Variants in MSTO1 observed in about 807,000 individuals in gnomAD.
MSTO1 encodes the protein misato mitochondrial distribution and morphology regulator 1, also known as protein misato homolog 1.
Under a neutral mutation model 55.7 loss-of-function variants are expected in MSTO1, and 24 were observed. The ratio of observed to expected loss-of-function variants is 0.43; its 90% CI spans 0.31 to 0.61. MSTO1 has a LOEUF of 0.61. Ranked by LOEUF, MSTO1 falls within the 20% of genes least tolerant of loss-of-function variation. The probability of loss-of-function intolerance (pLI) is 0.09; values close to 1 mark genes in which losing one functional copy is unlikely to be tolerated. For synonymous variants in MSTO1, 162 were observed against 252.8 expected, an observed-to-expected ratio of 0.64 and a Z score of 3.41; for missense variants, 363 against 625.7, an observed-to-expected ratio of 0.58 and a Z score of 4.48.
At chr1:155,609,243 A>ATATATATATATATATTTTTT (rs59756178), upstream of MSTO1, among the ~76,000 whole-genome samples, 1 of 54,576 alleles carries the variant, frequency 1.8e-5, no homozygotes, top group East Asian at 1.9e-3. Context: ...ATATATATAT[A>ATATATATATATATATTTTTT]TTTTTTTTTT....
At chr1:155,608,005 A>G (rs183739172), upstream of MSTO1, among the ~76,000 whole-genome samples, 51 of 152,354 alleles carry the variant, frequency 3.3e-4, no homozygotes, top group Middle Eastern at 6.8e-3. Flanking sequence ...CTCAAAATAA[A>G]TAAACAAAAC....
At chr1:155,590,694 T>C in the MSTO1 span, 16 of 1,515,778 alleles carry the variant, frequency 1.1e-5, no homozygotes, top group Admixed American at 4.0e-5. Flanking sequence ...TGGGGCCCCG[T>C]GACCCCCCGG....
the MSTO1 span, among the ~76,000 whole-genome samples, chr1:155,575,796 T>TTCTA: frequency 6.2e-5 from 9 of 144,660 alleles, no homozygotes; most frequent in Non-Finnish European, 9.0e-5. Context: ...CTTATTTTAT[T>TTCTA]TTTATTTATT....
Position 155,613,692 on chromosome 1 carries a change from C to G in MSTO1, c.1424C>G (p.Ala475Gly), listed in dbSNP as rs1424214412. The G allele has an allele frequency of 6.2e-7, 1 of 1,607,782 alleles. No individual in the cohort carries two copies. The highest frequency in any genetic ancestry group is 1.1e-5 in the South Asian group (1 of 90,680). Residue 475 changes from alanine (A) to glycine (G), a missense_variant, in exon 13 of 14, where the codon GCT becomes GGT. Ala to Gly is a moderately conservative substitution (Grantham distance 60). Transcript: ENST00000245564. ...SHLLLTPCRV[A>G]PPYPHLFSSC... ...CTGCTGCTGACTCCCTGCAGGGTGGCTCCTCCTTACCCCCACCTCTTCTCA... is the reference window on the plus strand; with the variant it reads ...CTGCTGCTGACTCCCTGCAGGGTGGGTCCTCCTTACCCCCACCTCTTCTCA...
At chr1:155,609,925 G>A (rs1319513220), upstream of MSTO1, 2 of 387,736 alleles carry the variant, frequency 5.2e-6, no homozygotes, top group Non-Finnish European at 9.4e-6. Context: ...AAGACAAGTA[G>A]GAAGCAGAGC....
the MSTO1 span, among the ~76,000 whole-genome samples, chr1:155,589,033 C>T: frequency 6.6e-6 from 1 of 152,192 alleles, no homozygotes; most frequent in Non-Finnish European, 1.5e-5. Context: ...CACGGTAGCT[C>T]ATGCCTGTAA....
At position 155,613,480 on chromosome 1, in the gene MSTO1, A is replaced by G. The variant is rs750429387; in HGVS notation, c.1302A>G (p.Thr434=). ...ACHTSQLTPG[T]PPPSALHACT... is the part of the protein sequence containing the mutation. ...CTGGCAGCCAGCTCACCCCAGGGAC[A>G]CCTCCACCCTCTGCCCTTCATGCAT... Residue 434 remains threonine (T), a synonymous_variant, in exon 12 of 14, where the codon ACA becomes ACG. Coordinates refer to ENST00000245564, the MANE Select transcript of MSTO1 (RefSeq NM_018116.4). 5.6e-6 allele frequency: 9 copies of G among 1,613,904 alleles called. 1 individual carries two copies. The South Asian group carries it at 9.9e-5, about 18-fold the overall frequency.
the MSTO1 span, among the ~76,000 whole-genome samples, chr1:155,587,164 G>A: frequency 6.6e-6 from 1 of 152,144 alleles, no homozygotes; most frequent in Non-Finnish European, 1.5e-5. Context: ...GTGTTTGGCC[G>A]GGCGCCGTGG....
chr1:155,614,828 C>T lies in MSTO1; in HGVS notation c.*555C>T. ...TCATCCTCAGAGCTGGCTTCACAGG[C>T]AGTGTGGAAGAGCTGCATGAGTTCT... On this transcript the variant is annotated 3_prime_UTR_variant, in exon 14 of 14. Coordinates refer to ENST00000245564, the MANE Select transcript of MSTO1 (RefSeq NM_018116.4). 6.3e-7 allele frequency: 1 copy of T among 1,578,750 alleles called. No individual in the cohort carries two copies. Among genetic ancestry groups the T allele is most frequent in the Non-Finnish European group, 8.6e-7 (1 of 1,161,614 alleles).
the MSTO1 span, among the ~76,000 whole-genome samples, chr1:155,593,955 C>T: frequency 1.1e-4 from 17 of 149,174 alleles, no homozygotes; most frequent in Non-Finnish European, 4.5e-5. Flanking sequence ...GGCAACAGAG[C>T]GAGACTCCGT....
chr1:155,600,556 C>CTTTCTTTTTTTTTTTTT, the MSTO1 span, among the ~76,000 whole-genome samples: 1 of 149,892 alleles, frequency 6.7e-6, no homozygotes, highest in African/African-American at 2.5e-5. Context: ...TTTTTTCTTT[C>CTTTCTTTTTTTTTTTTT]TTTTTTTTTG....
the MSTO1 span, among the ~76,000 whole-genome samples, chr1:155,603,546 A>G: frequency 1.3e-5 from 2 of 152,114 alleles, no homozygotes; most frequent in African/African-American, 4.8e-5. Flanking sequence ...CACTTCTCCT[A>G]ATGGAATTAT....
Position 155,613,500 on chromosome 1 carries a change from A to G in MSTO1, c.1322A>G (p.His441Arg), listed in dbSNP as rs1457436763. ...TPGTPPPSALHACTTGEEILA... is the reference protein window; with the variant it reads ...TPGTPPPSALRACTTGEEILA... Reference sequence around the variant, plus strand: ...GGGACACCTCCACCCTCTGCCCTTCATGCATGTACCACTGGGGAAGAAATC... The same window carrying G: ...GGGACACCTCCACCCTCTGCCCTTCGTGCATGTACCACTGGGGAAGAAATC... The change falls in exon 12 of 14, where the codon CAT becomes CGT. Residue 441 changes from histidine to arginine, a missense_variant. Physicochemically the swap from His to Arg is conservative, Grantham distance 29. Transcript: ENST00000245564. 6.2e-7 allele frequency: 1 copy of G among 1,613,880 alleles called. No homozygotes were observed. Among genetic ancestry groups the G allele is most frequent in the Non-Finnish European group, 8.5e-7 (1 of 1,179,922 alleles).
At chr1:155,571,442 G>A in the MSTO1 span, among the ~76,000 whole-genome samples, 2 of 152,088 alleles carry the variant, frequency 1.3e-5, no homozygotes, top group East Asian at 3.9e-4. Flanking sequence ...CCCTGCTGTA[G>A]TCCAAGCTCC....
chr1:155,608,251 A>G (rs35202981), upstream of MSTO1, among the ~76,000 whole-genome samples: 17,416 of 152,158 alleles, frequency 0.11, 1,364 homozygotes, highest in Admixed American at 0.23. Context: ...GCAGCCTCTA[A>G]TTCCTGCGCT....
chr1:155,586,188 T>TTC, the MSTO1 span, among the ~76,000 whole-genome samples: 19 of 150,864 alleles, frequency 1.3e-4, no homozygotes, highest in African/African-American at 4.6e-4. Context: ...GTTTTTTTCT[T>TTC]TCTCTCTCTC....
At chr1:155,563,847 G>C in the MSTO1 span, 31 of 332,962 alleles carry the variant, frequency 9.3e-5, no homozygotes, top group South Asian at 6.9e-4. Flanking sequence ...GAATATTGCC[G>C]TGTTGTCATT....
the MSTO1 span, chr1:155,602,175 A>G: frequency 1.4e-6 from 1 of 710,210 alleles, no homozygotes; most frequent in Non-Finnish European, 2.7e-6. Flanking sequence ...AAGAATTTCA[A>G]AACTACAAAT....
chr1:155,563,677 G>C, the MSTO1 span: 1 of 413,716 alleles, frequency 2.4e-6, no homozygotes, highest in South Asian at 1.7e-5. Flanking sequence ...TCTGGACTTA[G>C]TCTCCCTTTT....
Sources: gnomAD v4.1 joint callset for allele counts (sites outside exome capture counted in the v4.1 genomes callset) on GRCh38, gnomAD v4.1.1 for gene constraint, MANE v1.5 for transcripts, NCBI Gene and HGNC (gene_info 2026-07-23, HGNC 2026-07-21) for gene names.